Variants in HK1 observed in about 807,000 individuals in gnomAD.
HK1 encodes hexokinase 1, also known as hexokinase-1.
In HK1, 28 loss-of-function variants were observed where a neutral mutation model predicts 91.6. The ratio of observed to expected loss-of-function variants is 0.31; its 90% CI spans 0.23 to 0.42. HK1 has a LOEUF of 0.42. Ranked by LOEUF, HK1 falls within the 10% of genes least tolerant of loss-of-function variation. The pLI, the probability that HK1 is intolerant of heterozygous loss-of-function variation, is 1.00. For synonymous variants in HK1, 430 were observed against 468.1 expected (o/e 0.92, Z 1.05); for missense variants, 770 against 1,219.8 (o/e 0.63, Z 5.49).
chr10:69,311,205 G>A (rs1846360549), upstream of HK1, among the ~76,000 whole-genome samples: 1 of 152,196 alleles, frequency 6.6e-6, no homozygotes, highest in African/African-American at 2.4e-5. Context: ...TGATGTTAAT[G>A]CTGGTCGGAT....
chr10:69,271,767 G>A (rs1844182173), intron 1 of HK1, among the ~76,000 whole-genome samples: 1 of 152,072 alleles, frequency 6.6e-6, no homozygotes, highest in Non-Finnish European at 1.5e-5. Flanking sequence ...ATGAGCCACT[G>A]CACCCGGCCT....
chr10:69,318,282 T>C (rs1032118782), upstream of HK1: 2 of 935,930 alleles, frequency 2.1e-6, no homozygotes, highest in African/African-American at 3.6e-5. Flanking sequence ...GGGACCCGGG[T>C]GCGAGGACTG....
At chr10:69,355,619 G>A (rs774926830) in intron 2 of HK1, among the ~76,000 whole-genome samples, 1 of 151,846 alleles carries the variant, frequency 6.6e-6, no homozygotes, top group African/African-American at 2.4e-5. Context: ...GTGAAACCCC[G>A]TCTCTACTAA....
At chr10:69,390,729 T>G (rs1867976) in intron 14 of HK1, among the ~76,000 whole-genome samples, 1 of 152,038 alleles carries the variant, frequency 6.6e-6, no homozygotes, top group Non-Finnish European at 1.5e-5. Context: ...ATGGTGCTCC[T>G]GGGCGCATCA....
chr10:69,297,369 G>T (rs1433910322), intron 4 of HK1, among the ~76,000 whole-genome samples: 4 of 152,206 alleles, frequency 2.6e-5, no homozygotes, highest in Admixed American at 6.5e-5. Context: ...TGTCTCAGGG[G>T]TGGCAGAGGC....
chr10:69,298,734 T>G (rs1845698734), intron 4 of HK1, among the ~76,000 whole-genome samples: 1 of 151,802 alleles, frequency 6.6e-6, no homozygotes, highest in Admixed American at 6.6e-5. Flanking sequence ...TTCAGCTACA[T>G]CATGGGGTTG....
chr10:69,290,757 C>T (rs1404114355), intron 3 of HK1, among the ~76,000 whole-genome samples: 1 of 152,196 alleles, frequency 6.6e-6, no homozygotes, highest in Non-Finnish European at 1.5e-5. Context: ...GCCTCAGCCT[C>T]TCAAAGTGCT....
chr10:69,374,835 C>T lies in HK1; in HGVS notation c.876-2099C>T, dbSNP rs545842281. The stretch of plus-strand genomic sequence containing the variant: ...GGGTGCCAGGAGGCTGATGTTAGCG[C>T]ATCCTATGGGGAATGCCCTTTCTCT... On this transcript the variant is annotated intron_variant, in intron 7 of 17. Transcript: ENST00000359426. Among the ~76,000 whole-genome samples, 3 of 152,338 alleles carry T rather than the reference C, an allele frequency of 2.0e-5. No individual in the cohort carries two copies. The South Asian group carries it at 6.2e-4, about 32-fold the overall frequency.
intron 15 of HK1, among the ~76,000 whole-genome samples, chr10:69,392,932 C>T (rs981223589): frequency 7.9e-5 from 12 of 152,192 alleles, no homozygotes; most frequent in African/African-American, 2.4e-4. Context: ...TAAATACCAC[C>T]CATGCTGTTA....
intron 1 of HK1, among the ~76,000 whole-genome samples, chr10:69,320,098 T>G (rs1453661360): frequency 6.6e-6 from 1 of 152,120 alleles, no homozygotes. Context: ...CCTCTTCCTG[T>G]GCATCTAAGA....
chr10:69,386,104 C>T (rs1839617181), intron 12 of HK1, among the ~76,000 whole-genome samples: 1 of 104,222 alleles, frequency 9.6e-6, no homozygotes, highest in Non-Finnish European at 2.0e-5. Flanking sequence ...ACCTAATGTG[C>T]CTCATGCTCC....
intron 2 of HK1, 58 bp from the exon 3 acceptor site, chr10:69,359,839 T>C: frequency 6.5e-7 from 1 of 1,539,436 alleles, no homozygotes; most frequent in South Asian, 1.1e-5. Context: ...GCGGGCATGG[T>C]ATGTGGCTTC....
At position 69,293,255 on chromosome 10, in the gene HK1, C is replaced by T. The variant is rs368347458; in HGVS notation, c.-114-2378C>T. 8.1e-4 allele frequency among the ~76,000 whole-genome samples: 123 copies of T among 152,306 alleles called. 3 individuals carry two copies. The South Asian group carries it at 0.024, about 30-fold the overall frequency. On this transcript the variant is annotated intron_variant, in intron 3 of 21. Coordinates refer to the HK1 transcript ENST00000360289. ...CTCAGTTCCCAGCCTCAGCCAGATG[C>T]CCTGGGCATGTTAGGCAGGTGGGCT...
chr10:69,272,168 A>G (rs1038808782), intron 1 of HK1, among the ~76,000 whole-genome samples: 3 of 152,324 alleles, frequency 2.0e-5, no homozygotes, highest in South Asian at 2.1e-4. Flanking sequence ...CTGACCCAAT[A>G]TATTTGTGAT....
intron 2 of HK1, among the ~76,000 whole-genome samples, chr10:69,358,899 G>T (rs1849275896): frequency 2.0e-5 from 3 of 150,484 alleles, no homozygotes; most frequent in Admixed American, 2.0e-4. Flanking sequence ...AAATTCTATT[G>T]GGGGCAGGGT....
chr10:69,398,492 A>T (rs1840239401), intron 16 of HK1, 103 bp from the exon 17 acceptor site: 1 of 812,970 alleles, frequency 1.2e-6, no homozygotes, highest in African/African-American at 1.7e-5. Flanking sequence ...CTGTCTGTGG[A>T]TGAGTACAGT....
At chr10:69,326,376 G>A (rs1002504130) in intron 1 of HK1, among the ~76,000 whole-genome samples, 4 of 152,100 alleles carry the variant, frequency 2.6e-5, no homozygotes, top group Non-Finnish European at 5.9e-5. Flanking sequence ...CCTCCCCAGG[G>A]CATCCTGCTG....
intron 5 of HK1, among the ~76,000 whole-genome samples, chr10:69,301,573 CAAAAAAAA>C (rs3086649): frequency 1.2e-5 from 1 of 80,806 alleles, no homozygotes; most frequent in Non-Finnish European, 2.3e-5. Context: ...GACTCTGTCT[CAAAAAAAA>C]AAAAAAAAAA....
At chr10:69,354,167 T>C (rs2132730438) in intron 2 of HK1, among the ~76,000 whole-genome samples, 1 of 152,334 alleles carries the variant, frequency 6.6e-6, no homozygotes, top group South Asian at 2.1e-4. Context: ...TGTTCTGTGT[T>C]GTGGTGAGTA....
Sources: gnomAD v4.1 joint callset for allele counts (sites outside exome capture counted in the v4.1 genomes callset) on GRCh38, gnomAD v4.1.1 for gene constraint, MANE v1.5 for transcripts, NCBI Gene and HGNC (gene_info 2026-07-23, HGNC 2026-07-21) for gene names.